The following KMT2C variants were observed in gnomAD, a reference collection of about 807,000 sequenced individuals.
KMT2C encodes lysine methyltransferase 2C.
A neutral mutation model predicts 507.9 loss-of-function variants in KMT2C; 88 were observed. That is an observed-to-expected ratio of 0.17 (90% CI 0.15 to 0.21). The LOEUF is 0.21. Among genes scored for constraint, KMT2C ranks in the 10% least tolerant of loss-of-function variants. KMT2C has a pLI of 1.00. For synonymous variants in KMT2C, 2,049 were observed against 2,080.8 expected (o/e 0.98, Z 0.42); for missense variants, 4,954 against 5,957.8 (o/e 0.83, Z 5.55).
chr7:152,161,826 T>C (rs1317171569), intron 43 of KMT2C, among the ~76,000 whole-genome samples: 1 of 152,250 alleles, frequency 6.6e-6, no homozygotes, highest in Non-Finnish European at 1.5e-5. Context: ...TACTTTGCTT[T>C]AGTCATATCA....
At chr7:152,255,916 C>A (rs1191723229) in intron 9 of KMT2C, among the ~76,000 whole-genome samples, 1 of 152,206 alleles carries the variant, frequency 6.6e-6, no homozygotes. Flanking sequence ...CAACTGCAAT[C>A]CCAGCACTTT....
At chr7:152,315,537 T>C (rs1279252452) in intron 3 of KMT2C, among the ~76,000 whole-genome samples, 199 bp from the exon 4 acceptor site, 3 of 152,232 alleles carry the variant, frequency 2.0e-5, no homozygotes, top group African/African-American at 7.2e-5. Context: ...AATTCTACTT[T>C]TCCATAGCAT....
chr7:152,295,961 G>A (rs568889690), intron 6 of KMT2C, among the ~76,000 whole-genome samples: 24 of 150,886 alleles, frequency 1.6e-4, no homozygotes, highest in Middle Eastern at 3.4e-3. Context: ...CCAGCTACTC[G>A]GGAGGCTGAG....
intron 1 of KMT2C, among the ~76,000 whole-genome samples, chr7:152,363,494 A>T (rs1425276536): frequency 3.3e-5 from 5 of 152,206 alleles, no homozygotes; most frequent in African/African-American, 1.2e-4. Flanking sequence ...CCTCCAGCCC[A>T]AACAACTAGG....
intron 23 of KMT2C, among the ~76,000 whole-genome samples, chr7:152,213,647 C>T (rs2094504430): frequency 6.6e-6 from 1 of 151,898 alleles, no homozygotes; most frequent in South Asian, 2.1e-4. Flanking sequence ...CCTTGATATC[C>T]TCCTTGACAA....
Position 152,136,641 on chromosome 7 carries a change from G to A in KMT2C, c.*191C>T, listed in dbSNP as rs908129104. 25 of 578,276 alleles carry A rather than the reference G, an allele frequency of 4.3e-5. No homozygotes were observed. The highest frequency in any genetic ancestry group is 2.7e-4 in the Admixed American group (9 of 32,816). The allele number at this position is 578,276 out of a possible 1,614,324, so 35.8% of individuals were successfully genotyped here. ...GTTTAACCTCGGCCACTTCAGGAAC[G>A]CTGCTTCTGTCAGCTTCCTCCTGGC... On this transcript the variant is annotated 3_prime_UTR_variant, in exon 59 of 59. Transcript: ENST00000262189.
intron 23 of KMT2C, among the ~76,000 whole-genome samples, chr7:152,209,339 C>G (rs1479294541): frequency 6.6e-6 from 1 of 151,426 alleles, no homozygotes; most frequent in Non-Finnish European, 1.5e-5. Context: ...TGCCTGTAGT[C>G]CCAGCTACGT....
At chr7:152,426,438 T>G (rs1015465712) in intron 1 of KMT2C, among the ~76,000 whole-genome samples, 2 of 151,958 alleles carry the variant, frequency 1.3e-5, no homozygotes, top group Non-Finnish European at 2.9e-5. Context: ...GATCTCACTA[T>G]GTTGCCCAGG....
chr7:152,351,925 A>G (rs1050383923), intron 2 of KMT2C, among the ~76,000 whole-genome samples: 2 of 152,210 alleles, frequency 1.3e-5, no homozygotes, highest in Admixed American at 6.5e-5. Context: ...TGTTTGAACT[A>G]TATGAAATCT....
At chr7:152,218,529 C>T (rs2094651931) in intron 23 of KMT2C, among the ~76,000 whole-genome samples, 2 of 152,112 alleles carry the variant, frequency 1.3e-5, no homozygotes, top group Non-Finnish European at 2.9e-5. Flanking sequence ...TTGTTTCTCA[C>T]TGATCTACCT....
chr7:152,204,764 C>A (rs2094253090), intron 25 of KMT2C, among the ~76,000 whole-genome samples: 2 of 151,940 alleles, frequency 1.3e-5, no homozygotes, highest in Non-Finnish European at 2.9e-5. Context: ...CCTTATGTAA[C>A]TAAGTTATTC....
In KMT2C at chr7:152,139,693, C is replaced by T. The variant is rs2129089829; in HGVS notation, c.14442G>A (p.Glu4814=). The T allele has an allele frequency of 6.2e-7, 1 of 1,612,906 alleles. No individual in the cohort carries two copies. Among genetic ancestry groups the T allele is most frequent in the African/African-American group, 1.3e-5 (1 of 75,010 alleles). ...CACCTACCTGAGACTCATAAAGCTTCTCTTTCCTGTTGGCTACTTCGTTTC... is the reference window on the plus strand; with the variant it reads ...CACCTACCTGAGACTCATAAAGCTTTTCTTTCCTGTTGGCTACTTCGTTTC... ...IIRNEVANRK[E]KLYESQNRGV... The change falls in exon 56 of 59, where the codon GAG becomes GAA. Residue 4814 remains glutamate (E), a synonymous_variant. Coordinates refer to ENST00000262189, the MANE Select transcript of KMT2C (RefSeq NM_170606.3).
At chr7:152,433,102 C>G (rs1024607538) in intron 1 of KMT2C, among the ~76,000 whole-genome samples, 5 of 149,660 alleles carry the variant, frequency 3.3e-5, no homozygotes, top group African/African-American at 1.2e-4. Context: ...GAGCCGAGAT[C>G]ATACCACTGC....
At chr7:152,413,486 G>C (rs2116685696) in intron 1 of KMT2C, among the ~76,000 whole-genome samples, 1 of 152,232 alleles carries the variant, frequency 6.6e-6, no homozygotes, top group South Asian at 2.1e-4. Flanking sequence ...CATATGTTTA[G>C]AAGATACAAT....
intron 3 of KMT2C, among the ~76,000 whole-genome samples, chr7:152,321,061 C>T (rs2096768816): frequency 6.6e-6 from 1 of 151,810 alleles, no homozygotes; most frequent in Non-Finnish European, 1.5e-5. Flanking sequence ...TGGCGAAACC[C>T]CGTCTCTACT....
intron 28 of KMT2C, among the ~76,000 whole-genome samples, chr7:152,194,890 A>G (rs2093917829): frequency 6.6e-6 from 1 of 152,018 alleles, no homozygotes; most frequent in African/African-American, 2.4e-5. Context: ...TGAGAAATCG[A>G]TATGCAAATA....
chr7:152,274,105 A>G (rs961269985), intron 6 of KMT2C, among the ~76,000 whole-genome samples: 2 of 152,120 alleles, frequency 1.3e-5, no homozygotes, highest in African/African-American at 4.8e-5. Flanking sequence ...CATTCCTTAT[A>G]TTTTCAAAAA....
At position 152,215,688 on chromosome 7, in the gene KMT2C, T is replaced by TATATATATACACAC. The variant is rs766518165; in HGVS notation, c.3712+4834_3712+4835insGTGTGTATATATAT. ...ACAAAAGGAACAAAATATATATATA[T>TATATATATACACAC]ACACACACACATACACACACAAAAT... On this transcript the variant is annotated intron_variant, in intron 23 of 58. Coordinates refer to ENST00000262189, the MANE Select transcript of KMT2C (RefSeq NM_170606.3). Among the ~76,000 whole-genome samples the TATATATATACACAC allele has an allele frequency of 1.0e-4, 14 of 134,496 alleles. 1 individual carries two copies. The East Asian group carries it at 3.4e-3, about 33-fold the overall frequency. 88.2% of individuals were successfully genotyped at this position (134,496 alleles called of 152,430 possible).
chr7:152,423,078 C>T (rs967063758), intron 1 of KMT2C, among the ~76,000 whole-genome samples: 2 of 150,870 alleles, frequency 1.3e-5, no homozygotes, highest in African/African-American at 4.9e-5. Flanking sequence ...CGGTGGCTCA[C>T]GCCTGTAATT....
Sources: allele counts gnomAD v4.1 joint callset (sites outside exome capture counted in the v4.1 genomes callset), GRCh38; gene constraint gnomAD v4.1.1; transcripts MANE v1.5; gene names NCBI Gene and HGNC (gene_info 2026-07-23, HGNC 2026-07-21).